Variants in ITGA9 observed in about 807,000 individuals in gnomAD.
The protein encoded by ITGA9 is integrin subunit alpha 9.
A neutral mutation model predicts 127.8 loss-of-function variants in ITGA9; 56 were observed. The ratio of observed to expected loss-of-function variants is 0.44; its 90% CI spans 0.35 to 0.55. ITGA9 has a LOEUF of 0.55. ITGA9 is among the 20% of genes least tolerant of loss of function. The pLI is 0.00. For missense variants in ITGA9, 1,196 were observed against 1,347.1 expected (o/e 0.89, Z 1.76); for synonymous variants, 508 against 514.5 (o/e 0.99, Z 0.17).
rs761032206 is a variant in ITGA9 at position 37,523,534 on chromosome 3, A to G, written c.1250A>G (p.Gln417Arg). The change falls in exon 12 of 28, where the codon CAG (glutamine) becomes CGG (arginine). Residue 417 changes from glutamine to arginine, a missense_variant. By Grantham distance (43) the Gln-to-Arg change is conservative. Transcript: ENST00000264741. ...VPQYSMKLSG[Q>R]KINPVLRMFG... The stretch of plus-strand genomic sequence containing the variant: ...TATCTGTTTCAGAAACTGTCTGGGC[A>G]GAAGATAAATCCAGTGCTCCGGATG... 6 of 1,613,854 alleles carry G rather than the reference A, an allele frequency of 3.7e-6. No homozygotes were observed. In the African/African-American group the frequency reaches 4.0e-5, roughly 11 times the overall value.
intron 15 of ITGA9, among the ~76,000 whole-genome samples, chr3:37,572,875 A>G (rs938888190): frequency 5.3e-5 from 8 of 152,224 alleles, no homozygotes; most frequent in African/African-American, 1.4e-4. Context: ...TCATTTTCTA[A>G]TAAGCCTGAA....
intron 14 of ITGA9, among the ~76,000 whole-genome samples, chr3:37,539,487 T>A (rs1165968672): frequency 6.6e-6 from 1 of 152,198 alleles, no homozygotes; most frequent in African/African-American, 2.4e-5. Flanking sequence ...GGCAGGCCAG[T>A]AGGCTGGAGA....
rs374630655 is a variant in ITGA9 at position 37,814,959 on chromosome 3, A to T, written c.3010-3932A>T. Among the ~76,000 whole-genome samples, 2 of 152,226 alleles carry T rather than the reference A, an allele frequency of 1.3e-5. No individual in the cohort carries two copies. The highest frequency in any genetic ancestry group is 2.9e-5 in the Non-Finnish European group (2 of 68,040). ...TGATCTCCCATCCAAGAGATTACGCATAGGCTGTGTTAGGAACAGGACTGG... is the reference window on the plus strand; with the variant it reads ...TGATCTCCCATCCAAGAGATTACGCTTAGGCTGTGTTAGGAACAGGACTGG... On this transcript the variant is annotated intron_variant, in intron 27 of 27. Transcript: ENST00000264741. This position sits in a 1 kb window ranked among gnomAD's most constrained non-coding sequence, Gnocchi z 4.3.
intron 9 of ITGA9, 150 bp downstream of exon 9, chr3:37,514,050 A>G (rs1156934361): frequency 1.3e-5 from 12 of 920,650 alleles, no homozygotes; most frequent in African/African-American, 9.8e-5. Flanking sequence ...AATAAGCTCA[A>G]TGGCCCATTA....
At chr3:37,779,240 G>A (rs1004836778) in intron 24 of ITGA9, among the ~76,000 whole-genome samples, 1 of 152,216 alleles carries the variant, frequency 6.6e-6, no homozygotes, top group East Asian at 1.9e-4. Context: ...CAGCAGCTGG[G>A]ACTACAGGCG....
chr3:37,481,165 C>T (rs1232284665), intron 3 of ITGA9, among the ~76,000 whole-genome samples: 1 of 152,234 alleles, frequency 6.6e-6, no homozygotes, highest in East Asian at 1.9e-4. Context: ...GCCTTCCCGA[C>T]CTCTGGTGGA....
intron 18 of ITGA9, among the ~76,000 whole-genome samples, chr3:37,695,253 A>C (rs1700872670): frequency 1.3e-5 from 2 of 152,226 alleles, no homozygotes; most frequent in Middle Eastern, 3.2e-3. Flanking sequence ...GGGCAGAAGA[A>C]GACCCACGGT....
At position 37,517,797 on chromosome 3, in the gene ITGA9, C is replaced by T. The variant is rs538779940; in HGVS notation, c.1141+188C>T. 9.8e-5 allele frequency among the ~76,000 whole-genome samples: 15 copies of T among 152,364 alleles called. No homozygotes were observed. The Middle Eastern group carries it at 0.01, about 104-fold the overall frequency. On this transcript the variant is annotated intron_variant, in intron 10 of 27. Transcript: ENST00000264741. ...TTTAGAGGTGCTCTCCCTGTAGACA[C>T]GCAGGGCTGAGCTTCCAGCCCACTG...
chr3:37,640,385 T>G (rs1173638614), intron 16 of ITGA9, among the ~76,000 whole-genome samples: 7 of 152,070 alleles, frequency 4.6e-5, no homozygotes, highest in Admixed American at 4.6e-4. Context: ...GTGGACAACC[T>G]TAAGGGGCTG....
intron 26 of ITGA9, among the ~76,000 whole-genome samples, chr3:37,787,533 C>T (rs1697056022): frequency 6.6e-6 from 1 of 152,084 alleles, no homozygotes; most frequent in South Asian, 2.1e-4. Context: ...ATGGGAATTC[C>T]ACAATGCCCC....
At chr3:37,486,383 T>G (rs945421939) in intron 4 of ITGA9, among the ~76,000 whole-genome samples, 3 of 152,242 alleles carry the variant, frequency 2.0e-5, no homozygotes, top group African/African-American at 4.8e-5. Context: ...TCTGACTTAG[T>G]GACCTTAGGC....
At chr3:37,571,943 T>G (rs1240454326) in intron 15 of ITGA9, among the ~76,000 whole-genome samples, 1 of 151,852 alleles carries the variant, frequency 6.6e-6, no homozygotes, top group East Asian at 1.9e-4. Flanking sequence ...CATTTTTGGT[T>G]AAAGAAAGGA....
chr3:37,670,841 A>G (rs1313472598), intron 17 of ITGA9, among the ~76,000 whole-genome samples: 1 of 152,224 alleles, frequency 6.6e-6, no homozygotes, highest in Non-Finnish European at 1.5e-5. Context: ...GTGACTATTT[A>G]TGGCCGTATT....
At chr3:37,744,950 G>A (rs1169993043) in intron 22 of ITGA9, among the ~76,000 whole-genome samples, 1 of 152,214 alleles carries the variant, frequency 6.6e-6, no homozygotes, top group Admixed American at 6.5e-5. Context: ...ATGAAGTGAA[G>A]GAGATGGGCC....
intron 18 of ITGA9, among the ~76,000 whole-genome samples, chr3:37,708,290 G>A (rs1248546900): frequency 6.6e-6 from 1 of 152,160 alleles, no homozygotes; most frequent in African/African-American, 2.4e-5. Context: ...AAGTTCCAAG[G>A]CTTTTTGAAA....
chr3:37,564,873 A>C (rs774330982), intron 15 of ITGA9, among the ~76,000 whole-genome samples: 2 of 152,200 alleles, frequency 1.3e-5, no homozygotes, highest in African/African-American at 4.8e-5. Context: ...GGATTAACAG[A>C]CATTCTGAAA....
chr3:37,577,826 T>C (rs969200641), intron 15 of ITGA9, among the ~76,000 whole-genome samples: 1 of 152,222 alleles, frequency 6.6e-6, no homozygotes, highest in Admixed American at 6.5e-5. Context: ...AAACACATTT[T>C]TATTTAGTCA....
At chr3:37,647,371 A>C (rs1021631666) in intron 16 of ITGA9, among the ~76,000 whole-genome samples, 2 of 152,022 alleles carry the variant, frequency 1.3e-5, no homozygotes, top group Non-Finnish European at 2.9e-5. Context: ...TGTAAGGTAT[A>C]TAAAATGATG....
intron 4 of ITGA9, among the ~76,000 whole-genome samples, chr3:37,488,354 T>C (rs197754): frequency 0.65 from 99,214 of 151,822 alleles, 32,556 homozygotes; most frequent in Middle Eastern, 0.73. Flanking sequence ...GAGCATGACA[T>C]AATGCATAGT....
Sources: gnomAD v4.1 joint callset for allele counts (sites outside exome capture counted in the v4.1 genomes callset) on GRCh38, gnomAD v4.1.1 for gene constraint, Gnocchi (gnomAD v3.1) non-coding constraint, MANE v1.5 for transcripts, NCBI Gene and HGNC (gene_info 2026-07-23, HGNC 2026-07-21) for gene names.